UBE2R2: variants seen among roughly 807,000 people sequenced by gnomAD.
UBE2R2 encodes ubiquitin conjugating enzyme E2 R2.
Under a neutral mutation model 27.8 loss-of-function variants are expected in UBE2R2, and 1 was observed. The observed-to-expected ratio is 0.04, with a 90% CI of 0.01 to 0.17. UBE2R2 has a LOEUF of 0.17. UBE2R2 is among the 10% of genes least tolerant of loss of function. The pLI is 1.00. For synonymous variants in UBE2R2, 106 were observed against 113.3 expected (o/e 0.94, Z 0.41); for missense variants, 100 against 291.0 (o/e 0.34, Z 4.78).
At chr9:33,852,190 A>G (rs1820982641) in intron 1 of UBE2R2, among the ~76,000 whole-genome samples, 1 of 152,166 alleles carries the variant, frequency 6.6e-6, no homozygotes, top group South Asian at 2.1e-4. Context: ...ATGTGCCTAT[A>G]GTCCCAGCCA....
chr9:33,864,767 C>T (rs1821323039), intron 1 of UBE2R2, among the ~76,000 whole-genome samples: 1 of 150,588 alleles, frequency 6.6e-6, no homozygotes, highest in Non-Finnish European at 1.5e-5. Flanking sequence ...TCTTGTTGCC[C>T]AGGCTGGAGT....
chr9:33,857,097 GTGT>G (rs1821124130), intron 1 of UBE2R2, among the ~76,000 whole-genome samples: 1 of 151,412 alleles, frequency 6.6e-6, no homozygotes, highest in African/African-American at 2.4e-5. Flanking sequence ...GGATTTTGCT[GTGT>G]TGGCAGGCTG....
chr9:33,822,873 T>A (rs964235207), intron 1 of UBE2R2, among the ~76,000 whole-genome samples: 1 of 151,796 alleles, frequency 6.6e-6, no homozygotes, highest in South Asian at 2.1e-4. Context: ...TTAGATATTT[T>A]ATTTCTTTTT....
intron 1 of UBE2R2, among the ~76,000 whole-genome samples, chr9:33,828,399 T>C (rs1820364454): frequency 1.3e-5 from 2 of 151,268 alleles, no homozygotes; most frequent in Admixed American, 1.3e-4. Flanking sequence ...TAAAACTTTT[T>C]TTTTTTTTTT....
chr9:33,917,104 A>C lies in UBE2R2; in HGVS notation c.584A>C (p.Lys195Thr). 6.2e-7 allele frequency: 1 copy of C among 1,614,208 alleles called. No homozygotes were observed. ...CTGGCGGAATACTGCATCAAAACTAAAGTGCCTTCCAATGACAACAGCTCA... is the reference window on the plus strand; with the variant it reads ...CTGGCGGAATACTGCATCAAAACTACAGTGCCTTCCAATGACAACAGCTCA... ...TTLAEYCIKT[K>T]VPSNDNSSDL... The change falls in exon 5 of 5, where the codon AAA becomes ACA. Residue 195 changes from lysine to threonine, a missense_variant. By Grantham distance (78) the Lys-to-Thr change is moderately conservative. Coordinates refer to ENST00000263228, the MANE Select transcript of UBE2R2 (RefSeq NM_017811.4).
intron 1 of UBE2R2, among the ~76,000 whole-genome samples, chr9:33,836,176 G>A (rs990892678): frequency 5.9e-5 from 9 of 151,994 alleles, no homozygotes; most frequent in Admixed American, 5.9e-4. Context: ...CGTGGTGGGA[G>A]GCGCCTATAA....
intron 1 of UBE2R2, among the ~76,000 whole-genome samples, chr9:33,877,823 G>GTCTCTC (rs1554675184): frequency 1.1e-4 from 14 of 131,104 alleles, no homozygotes; most frequent in South Asian, 2.6e-4. Context: ...CTGTCTGTCT[G>GTCTCTC]TCTCTCTCTC....
At chr9:33,843,130 C>G (rs1369824084) in intron 1 of UBE2R2, among the ~76,000 whole-genome samples, 2 of 148,068 alleles carry the variant, frequency 1.4e-5, no homozygotes, top group African/African-American at 5.0e-5. Context: ...TCACTGCAAC[C>G]TCCACCTCCT....
intron 1 of UBE2R2, among the ~76,000 whole-genome samples, chr9:33,825,462 A>C (rs1166645598): frequency 4.6e-5 from 7 of 152,056 alleles, no homozygotes; most frequent in Non-Finnish European, 1.0e-4. Flanking sequence ...GGTGGTCTCA[A>C]ACTCCTGACC....
Position 33,897,059 on chromosome 9 carries a change from C to T in UBE2R2, c.265-3115C>T, listed in dbSNP as rs1229157057. ...TTTTTTTTTTTTTTTTTTTTTGAGA[C>T]GGAGTCTCGCTCTGTTGCCCAGGCT... On this transcript the variant is annotated intron_variant, in intron 2 of 4. Transcript: ENST00000263228. Among the ~76,000 whole-genome samples, 22 of 70,556 alleles carry T rather than the reference C, an allele frequency of 3.1e-4. No homozygotes were observed. In the East Asian group the frequency reaches 0.011, roughly 35 times the overall value. The allele number at this position is 70,556 out of a possible 152,430, so 46.3% of individuals were successfully genotyped here. A position where few individuals can be genotyped will look rare whatever the true frequency, so the allele number is the denominator to read the frequency against.
chr9:33,912,384 G>C (rs1021329302), intron 4 of UBE2R2, among the ~76,000 whole-genome samples: 2 of 152,106 alleles, frequency 1.3e-5, no homozygotes, highest in African/African-American at 4.8e-5. Flanking sequence ...CAGCACTTTG[G>C]GAGGCTGAGG....
chr9:33,826,040 G>A (rs916117318), intron 1 of UBE2R2, among the ~76,000 whole-genome samples: 7 of 152,034 alleles, frequency 4.6e-5, no homozygotes, highest in African/African-American at 1.4e-4. Context: ...CTACTTGGGA[G>A]GCTGAGGCAG....
chr9:33,848,687 T>C (rs141763593), intron 1 of UBE2R2, among the ~76,000 whole-genome samples: 11,969 of 151,836 alleles, frequency 0.079, 674 homozygotes, highest in Non-Finnish European at 0.12. Flanking sequence ...CTGCAACCTC[T>C]GCCTCCCAGG....
intron 1 of UBE2R2, among the ~76,000 whole-genome samples, chr9:33,825,216 A>T (rs1428043931): frequency 2.0e-5 from 3 of 151,834 alleles, no homozygotes; most frequent in African/African-American, 7.3e-5. Flanking sequence ...CAACAAAAAC[A>T]AAAAGAATGA....
intron 1 of UBE2R2, among the ~76,000 whole-genome samples, chr9:33,818,284 G>A (rs1825870939): frequency 6.6e-6 from 1 of 150,750 alleles, no homozygotes; most frequent in African/African-American, 2.4e-5. Context: ...TCGTTCTCCG[G>A]TCGGAACCCC....
At chr9:33,913,090 A>T (rs1420984113) in intron 4 of UBE2R2, among the ~76,000 whole-genome samples, 2 of 150,450 alleles carry the variant, frequency 1.3e-5, no homozygotes, top group Non-Finnish European at 3.0e-5. Flanking sequence ...CCTCCCGAGT[A>T]GCTGGGATTA....
At chr9:33,864,387 T>C (rs1205039916) in intron 1 of UBE2R2, among the ~76,000 whole-genome samples, 2 of 152,104 alleles carry the variant, frequency 1.3e-5, no homozygotes, top group African/African-American at 4.8e-5. Context: ...GTTATATATA[T>C]GTAACACATG....
intron 1 of UBE2R2, among the ~76,000 whole-genome samples, chr9:33,870,337 T>A (rs1191632993): frequency 1.3e-5 from 2 of 152,144 alleles, no homozygotes; most frequent in Non-Finnish European, 2.9e-5. Flanking sequence ...GAGATGGGGT[T>A]TCACCAAGTT....
intron 1 of UBE2R2, among the ~76,000 whole-genome samples, chr9:33,821,063 A>G (rs1246672427): frequency 1.3e-5 from 2 of 152,208 alleles, no homozygotes; most frequent in African/African-American, 2.4e-5. Context: ...TTATTTTGCT[A>G]CCTAAGCAAG....
Sources: allele counts gnomAD v4.1 joint callset (sites outside exome capture counted in the v4.1 genomes callset), GRCh38; gene constraint gnomAD v4.1.1; transcripts MANE v1.5; gene names NCBI Gene and HGNC (gene_info 2026-07-23, HGNC 2026-07-21).